The following PPM1H variants were observed in gnomAD, a reference collection of about 807,000 sequenced individuals.
PPM1H encodes the protein protein phosphatase 1H.
In PPM1H, 27 loss-of-function variants were observed where a neutral mutation model predicts 54.9. The ratio of observed to expected loss-of-function variants is 0.49; its 90% CI spans 0.36 to 0.68. The LOEUF is 0.68. Ranked by LOEUF, PPM1H falls within the 30% of genes least tolerant of loss-of-function variation. The pLI, the probability that PPM1H is intolerant of heterozygous loss-of-function variation, is 0.00. For missense variants in PPM1H, 596 were observed against 667.8 expected (o/e 0.89, Z 1.19); for synonymous variants, 305 against 270.8 (o/e 1.13, Z -1.24).
At chr12:62,733,390 G>T (rs2076333772) in intron 5 of PPM1H, among the ~76,000 whole-genome samples, 2 of 152,104 alleles carry the variant, frequency 1.3e-5, no homozygotes, top group South Asian at 4.1e-4. Flanking sequence ...GAGTAGCAGG[G>T]ATTAGAGGCG....
chr12:62,649,200 G>GT (rs34573131), intron 9 of PPM1H, among the ~76,000 whole-genome samples: 25 of 148,526 alleles, frequency 1.7e-4, no homozygotes, highest in South Asian at 4.2e-4. Context: ...AAGTTTTTTG[G>GT]TTTTTTTTTT....
At chr12:62,851,815 C>T (rs1869198243) in intron 1 of PPM1H, among the ~76,000 whole-genome samples, 1 of 152,090 alleles carries the variant, frequency 6.6e-6, no homozygotes, top group South Asian at 2.1e-4. Context: ...AAACACTGAC[C>T]TATCTTGCTG....
At chr12:62,813,225 T>C (rs1044953756) in intron 2 of PPM1H, among the ~76,000 whole-genome samples, 1 of 152,192 alleles carries the variant, frequency 6.6e-6, no homozygotes, top group Non-Finnish European at 1.5e-5. Context: ...TGTTCCAGCT[T>C]AAGGAAACGA....
chr12:62,763,739 T>C (rs1021613056), intron 4 of PPM1H, among the ~76,000 whole-genome samples: 6 of 152,220 alleles, frequency 3.9e-5, no homozygotes, highest in African/African-American at 1.2e-4. Context: ...AGCTTAGAAA[T>C]CTTCAATCGT....
chr12:62,771,295 G>GACAC (rs4026219), intron 4 of PPM1H, among the ~76,000 whole-genome samples: 3,430 of 131,904 alleles, frequency 0.026, 50 homozygotes, highest in South Asian at 0.028. Flanking sequence ...ACTTTGTGAA[G>GACAC]ACACACACAC....
chr12:62,708,187 C>T (rs76137895), intron 6 of PPM1H, among the ~76,000 whole-genome samples: 246 of 152,350 alleles, frequency 1.6e-3, no homozygotes, highest in African/African-American at 5.8e-3. Context: ...CAGCAAGGAA[C>T]AGACACAAAA....
At chr12:62,813,621 C>T (rs563601613) in intron 2 of PPM1H, among the ~76,000 whole-genome samples, 3 of 152,296 alleles carry the variant, frequency 2.0e-5, no homozygotes, top group Admixed American at 6.5e-5. Context: ...AGATAGAAAA[C>T]ATGAGCAAAT....
intron 4 of PPM1H, among the ~76,000 whole-genome samples, chr12:62,787,036 T>C (rs549433): frequency 0.36 from 54,855 of 152,106 alleles, 10,816 homozygotes; most frequent in African/African-American, 0.52. Flanking sequence ...CAGGTCGGTT[T>C]GCTCCTTGTT....
At chr12:62,816,318 A>C (rs1299884182) in intron 2 of PPM1H, among the ~76,000 whole-genome samples, 1 of 152,228 alleles carries the variant, frequency 6.6e-6, no homozygotes, top group African/African-American at 2.4e-5. Context: ...GGCACTCCTA[A>C]TCCAAAAGTC....
chr12:62,863,930 C>A (rs1185343737), intron 1 of PPM1H, among the ~76,000 whole-genome samples: 1 of 152,198 alleles, frequency 6.6e-6, no homozygotes, highest in Non-Finnish European at 1.5e-5. Flanking sequence ...TAAATCTAAC[C>A]ATGAGACATA....
chr12:62,715,233 G>A (rs1223915745), intron 6 of PPM1H, among the ~76,000 whole-genome samples: 2 of 152,220 alleles, frequency 1.3e-5, no homozygotes, highest in Admixed American at 1.3e-4. Context: ...TGTGCATCCT[G>A]CAACAGCAGC....
At chr12:62,842,384 T>C (rs887920904) in intron 1 of PPM1H, among the ~76,000 whole-genome samples, 5 of 152,148 alleles carry the variant, frequency 3.3e-5, no homozygotes, top group Non-Finnish European at 5.9e-5. Context: ...AACAAAATTT[T>C]TTTTGAAAGT....
intron 1 of PPM1H, among the ~76,000 whole-genome samples, chr12:62,880,112 G>A (rs989328813): frequency 5.9e-5 from 9 of 151,964 alleles, no homozygotes; most frequent in East Asian, 5.8e-4. Context: ...GAGAGAGAGA[G>A]AAAAAAGTTG....
Position 62,762,596 on chromosome 12 carries a change from G to A in PPM1H, c.870-25010C>T, listed in dbSNP as rs982408702. ...GTTGCCATGTGGAGGGTGCTAGGGG[G>A]AGGATGCTAAGTGAAGATGCTATAC... On this transcript the variant is annotated intron_variant, in intron 4 of 9. Transcript: ENST00000228705. Among the ~76,000 whole-genome samples, 7 of 152,218 alleles carry A rather than the reference G, an allele frequency of 4.6e-5. No homozygotes were observed. In the East Asian group the frequency reaches 1.2e-3, roughly 25 times the overall value.
intron 6 of PPM1H, among the ~76,000 whole-genome samples, chr12:62,699,386 C>T (rs1249945086): frequency 2.0e-5 from 3 of 151,892 alleles, no homozygotes; most frequent in Admixed American, 6.6e-5. Context: ...TTAGTAGAAA[C>T]GGGATTTCAC....
chr12:62,814,322 A>C (rs1014815584), intron 2 of PPM1H, among the ~76,000 whole-genome samples: 2 of 152,254 alleles, frequency 1.3e-5, no homozygotes, highest in South Asian at 4.1e-4. Flanking sequence ...GCCTCAAGCT[A>C]TCCTCCCACG....
chr12:62,701,632 C>G (rs1001772606), intron 6 of PPM1H, among the ~76,000 whole-genome samples: 1 of 151,928 alleles, frequency 6.6e-6, no homozygotes, highest in Non-Finnish European at 1.5e-5. Context: ...ACTCTGACAT[C>G]GTCGATCACT....
At position 62,740,826 on chromosome 12, in the gene PPM1H, T is replaced by A. The variant is rs2076377450; in HGVS notation, c.870-3240A>T. On this transcript the variant is annotated intron_variant, in intron 4 of 9. Transcript: ENST00000228705. ...GCAGAGCATTACACCAAATGTGAAGTCCTTCGGAGAGCAGGGCCCTGTGTG... is the reference window on the plus strand; with the variant it reads ...GCAGAGCATTACACCAAATGTGAAGACCTTCGGAGAGCAGGGCCCTGTGTG... Among the ~76,000 whole-genome samples, 5 of 152,262 alleles carry A rather than the reference T, an allele frequency of 3.3e-5. No homozygotes were observed. In the South Asian group the frequency reaches 1.0e-3, roughly 32 times the overall value.
At chr12:62,800,894 C>G (rs954682729) in intron 3 of PPM1H, among the ~76,000 whole-genome samples, 1 of 152,208 alleles carries the variant, frequency 6.6e-6, no homozygotes, top group Non-Finnish European at 1.5e-5. Context: ...CTGTGGCACT[C>G]TCCCGAGGAC....
Sources: allele counts gnomAD v4.1 joint callset (sites outside exome capture counted in the v4.1 genomes callset), GRCh38; gene constraint gnomAD v4.1.1; transcripts MANE v1.5; gene names NCBI Gene and HGNC (gene_info 2026-07-23, HGNC 2026-07-21).